The following HOOK3 variants were observed in gnomAD, a reference collection of about 807,000 sequenced individuals.
HOOK3 encodes hook microtubule tethering protein 3, also known as protein Hook homolog 3.
Under a neutral mutation model 116.3 loss-of-function variants are expected in HOOK3, and 24 were observed. That is an observed-to-expected ratio of 0.21 (90% confidence interval 0.15 to 0.29). HOOK3 has a LOEUF of 0.29. HOOK3 is among the 10% of genes least tolerant of loss of function. The pLI is 1.00. For synonymous variants in HOOK3, 275 were observed against 283.0 expected, an observed-to-expected ratio of 0.97 and a Z score of 0.28; for missense variants, 632 against 830.2, an observed-to-expected ratio of 0.76 and a Z score of 2.93.
intron 2 of HOOK3, among the ~76,000 whole-genome samples, chr8:42,911,716 TGGTTGGTATGTGGG>T (rs1347847224): frequency 1.3e-5 from 2 of 152,008 alleles, no homozygotes; most frequent in Non-Finnish European, 2.9e-5. Flanking sequence ...CATATTTTGA[TGGTTGGTATGTGGG>T]GGAGTTGACT....
intron 1 of HOOK3, 171 bp downstream of exon 1, chr8:42,897,359 G>A: frequency 2.4e-6 from 1 of 409,268 alleles, no homozygotes; most frequent in Non-Finnish European, 4.2e-6. Flanking sequence ...GACTTGCCGG[G>A]CCTGAGGCGT....
chr8:42,941,091 C>T (rs1387893023), intron 4 of HOOK3, among the ~76,000 whole-genome samples: 1 of 151,920 alleles, frequency 6.6e-6, no homozygotes, highest in Non-Finnish European at 1.5e-5. Context: ...GGACCACAGT[C>T]TCCTGCCACC....
chr8:42,950,745 G>A (rs1384563484), intron 6 of HOOK3, among the ~76,000 whole-genome samples: 1 of 150,654 alleles, frequency 6.6e-6, no homozygotes, highest in African/African-American at 2.5e-5. Flanking sequence ...GAGTGCAGTG[G>A]TACAATCTGG....
chr8:42,965,376 G>C (rs1808614908), intron 9 of HOOK3, among the ~76,000 whole-genome samples: 1 of 152,098 alleles, frequency 6.6e-6, no homozygotes, highest in Non-Finnish European at 1.5e-5. Flanking sequence ...CTTATTTAAA[G>C]GGGTGAGCTG....
In HOOK3 at chr8:43,021,674, T is replaced by C. The variant is rs1420256088; in HGVS notation, c.*3176T>C. 1.2e-5 allele frequency: 2 copies of C among 168,806 alleles called. No homozygotes were observed. The highest frequency in any genetic ancestry group is 2.0e-4 in the South Asian group (1 of 4,916). 10.5% of individuals were successfully genotyped at this position (168,806 alleles called of 1,614,324 possible). A position where few individuals can be genotyped will look rare whatever the true frequency, so the allele number is the denominator to read the frequency against. On this transcript the variant is annotated 3_prime_UTR_variant, in exon 22 of 22. Transcript: ENST00000307602. ...TTTACATTTATAATTTTCTTTCTTT[T>C]TTTTTTTTTTGTGAGATGATGTCTC...
At chr8:42,985,102 A>C (rs1809026053) in intron 14 of HOOK3, among the ~76,000 whole-genome samples, 1 of 152,096 alleles carries the variant, frequency 6.6e-6, no homozygotes, top group South Asian at 2.1e-4. Flanking sequence ...GACAAATTGG[A>C]GATCTCATAA....
intron 20 of HOOK3, 67 bp downstream of exon 20, chr8:43,013,222 A>G: frequency 7.0e-7 from 1 of 1,427,408 alleles, no homozygotes; most frequent in Non-Finnish European, 9.6e-7. Context: ...GCCTTGTTAT[A>G]TTTTACAATT....
chr8:42,941,499 T>C (rs62515942), intron 4 of HOOK3, among the ~76,000 whole-genome samples: 17,609 of 121,832 alleles, frequency 0.14, 1,540 homozygotes, highest in African/African-American at 0.28. Context: ...GCCTGGGCGA[T>C]AGAGCGAGAC....
intron 2 of HOOK3, among the ~76,000 whole-genome samples, chr8:42,913,663 TG>T (rs1807477556): frequency 6.6e-6 from 1 of 152,184 alleles, no homozygotes; most frequent in African/African-American, 2.4e-5. Context: ...CTGGATCATA[TG>T]GTAGGTCTAT....
chr8:43,017,006 T>TA (rs1006952075), intron 21 of HOOK3, among the ~76,000 whole-genome samples: 28 of 146,690 alleles, frequency 1.9e-4, no homozygotes, highest in South Asian at 6.6e-4. Flanking sequence ...AGACTCCGTC[T>TA]AAAAAAAAAA....
chr8:42,921,146 C>CTT (rs1244477616), intron 2 of HOOK3, among the ~76,000 whole-genome samples: 1 of 151,050 alleles, frequency 6.6e-6, no homozygotes, highest in Non-Finnish European at 1.5e-5. Flanking sequence ...TATATAATTT[C>CTT]TTGGACATTT....
Position 42,968,141 on chromosome 8 carries a change from A to G in HOOK3, c.1049A>G (p.Asn350Ser), listed in dbSNP as rs761703457. The G allele has an allele frequency of 6.2e-7, 1 of 1,613,858 alleles. No individual in the cohort carries two copies. The highest frequency in any genetic ancestry group is 8.5e-7 in the Non-Finnish European group (1 of 1,179,780). The change falls in exon 11 of 22, where the codon AAT (asparagine) becomes AGT (serine). Residue 350 changes from asparagine to serine, a missense_variant. Transcript: ENST00000307602. ...GAGAAGAATACCATGTATATGCAGAATACTGTCAGTCTAGAGGAAGAGTTA... is the reference window on the plus strand; with the variant it reads ...GAGAAGAATACCATGTATATGCAGAGTACTGTCAGTCTAGAGGAAGAGTTA... ...LEEKNTMYMQ[N>S]TVSLEEELRK...
chr8:42,924,307 TCCTC>T (rs1208722433), intron 2 of HOOK3, among the ~76,000 whole-genome samples: 15 of 151,916 alleles, frequency 9.9e-5, no homozygotes, highest in South Asian at 8.3e-4. Context: ...AAAAGTTTTG[TCCTC>T]CCTCCCTCCC....
At chr8:42,959,138 CAGG>C (rs1808491009) in intron 7 of HOOK3, 90 bp from the exon 8 acceptor site, 2 of 782,446 alleles carry the variant, frequency 2.6e-6, no homozygotes, top group Non-Finnish European at 4.3e-6. Context: ...TCAGGAAAGA[CAGG>C]GGGGAGATGT....
intron 8 of HOOK3, among the ~76,000 whole-genome samples, chr8:42,963,668 CTTTT>C (rs1808577798): frequency 6.6e-6 from 1 of 152,076 alleles, no homozygotes; most frequent in South Asian, 2.1e-4. Flanking sequence ...TACAGTCAGT[CTTTT>C]TAATTTTATT....
In HOOK3 at chr8:43,022,476, A is replaced by G. The variant is rs2130502041; in HGVS notation, c.*3978A>G. 1 of 196,988 alleles carries G rather than the reference A, an allele frequency of 5.1e-6. No individual in the cohort carries two copies. The highest frequency in any genetic ancestry group is 1.9e-4 in the South Asian group (1 of 5,194). The allele number at this position is 196,988 out of a possible 1,614,324, so 12.2% of individuals were successfully genotyped here. On this transcript the variant is annotated 3_prime_UTR_variant, in exon 22 of 22. Transcript: ENST00000307602. ...AGTGTCTGAAGTCTTATAAACAGGA[A>G]GATCATTTTCTGTTTTCCTTCTAAC...
chr8:42,987,042 G>T (rs563260599), intron 15 of HOOK3, among the ~76,000 whole-genome samples: 44 of 152,098 alleles, frequency 2.9e-4, no homozygotes, highest in Non-Finnish European at 4.9e-4. Flanking sequence ...CATGCCTGTG[G>T]TCCCAGCTAC....
intron 21 of HOOK3, among the ~76,000 whole-genome samples, chr8:43,014,814 T>C: frequency 6.6e-6 from 1 of 152,202 alleles, no homozygotes; most frequent in East Asian, 1.9e-4. Context: ...AATTTCATTA[T>C]ATATTATTTT....
intron 4 of HOOK3, among the ~76,000 whole-genome samples, chr8:42,931,148 T>G (rs2130365694): frequency 6.6e-6 from 1 of 152,328 alleles, no homozygotes; most frequent in African/African-American, 2.4e-5. Flanking sequence ...AGTCCTTTTC[T>G]TCCGTAGCCT....
Sources: gnomAD v4.1 joint callset for allele counts (sites outside exome capture counted in the v4.1 genomes callset) on GRCh38, gnomAD v4.1.1 for gene constraint, MANE v1.5 for transcripts, NCBI Gene and HGNC (gene_info 2026-07-23, HGNC 2026-07-21) for gene names.